The following BCL11B variants were observed in gnomAD, a reference collection of about 807,000 sequenced individuals.
BCL11B encodes the protein B-cell lymphoma/leukemia 11B.
Under a neutral mutation model 49.9 loss-of-function variants are expected in BCL11B, and 8 were observed. The observed-to-expected ratio is 0.16, with a 90% CI of 0.09 to 0.29. The LOEUF (loss-of-function observed/expected upper bound fraction) is 0.29, where lower values mean the gene tolerates loss of function less well. Among genes scored for constraint, BCL11B ranks in the 10% least tolerant of loss-of-function variants. BCL11B has a pLI of 1.00. For synonymous variants in BCL11B, 739 were observed against 637.4 expected (o/e 1.16, Z -2.40); for missense variants, 1,006 against 1,351.0 (o/e 0.74, Z 4.00).
At chr14:99,225,208 C>A (rs1888125057) in intron 3 of BCL11B, among the ~76,000 whole-genome samples, 1 of 152,224 alleles carries the variant, frequency 6.6e-6, no homozygotes, top group African/African-American at 2.4e-5. Flanking sequence ...AGTGGGCAGA[C>A]CCAGGTATGA....
chr14:99,210,081 C>A (rs1037337168), intron 3 of BCL11B, among the ~76,000 whole-genome samples: 2 of 152,016 alleles, frequency 1.3e-5, no homozygotes, highest in Non-Finnish European at 2.9e-5. Flanking sequence ...CTGGGCAGCA[C>A]GATTGATTAG....
In BCL11B at chr14:99,175,246, C is replaced by A; in HGVS notation, c.1590G>T (p.Pro530=). 1 of 1,546,226 alleles carries A rather than the reference C, an allele frequency of 6.5e-7. No homozygotes were observed. The highest frequency in any genetic ancestry group is 1.9e-5 in the Admixed American group (1 of 51,720). Residue 530 remains proline (P), a synonymous_variant, in exon 4 of 4, where the codon CCG becomes CCT. Transcript: ENST00000357195. The part of the protein sequence containing the change: ...HESDPSLGHE[P]EEEDEEEEEE... ...CCTCCTCCTCCTCGTCCTCCTCCTC[C>A]GGCTCGTGGCCCAGCGACGGGTCGC...
At chr14:99,234,820 C>T (rs1888441820) in intron 2 of BCL11B, among the ~76,000 whole-genome samples, 1 of 138,592 alleles carries the variant, frequency 7.2e-6, no homozygotes, top group African/African-American at 2.7e-5. Flanking sequence ...CTGCAAGACA[C>T]TCCCAAAAAA....
Position 99,257,532 on chromosome 14 carries a change from G to T in BCL11B, c.366C>A (p.Asp122Glu), listed in dbSNP as rs757013819. Residue 122 changes from aspartate (D) to glutamate (E), a missense_variant, in exon 2 of 4, where the codon GAC (aspartate) becomes GAA (glutamate). Around this residue, in one of 6 missense-constraint regions of BCL11B, gnomAD observed 411 missense variants for 542.2 expected, o/e 0.76. Coordinates refer to ENST00000357195, the MANE Select transcript of BCL11B (RefSeq NM_138576.4). The surrounding 1 kb of genome is among the most constrained non-coding windows in gnomAD (Gnocchi z 6.2). The part of the protein sequence containing the change: ...PVEIGIQVTP[D>E]EDDHLLSPTK... ...TGGGTGAGAGCAGGTGGTCATCTTC[G>T]TCGGGGGTGACTTGGATCCCGATCT... 1 of 1,613,672 alleles carries T rather than the reference G, an allele frequency of 6.2e-7. No individual in the cohort carries two copies. Among genetic ancestry groups the T allele is most frequent in the East Asian group, 2.2e-5 (1 of 44,862 alleles).
At chr14:99,208,848 T>C (rs1458514336) in intron 3 of BCL11B, among the ~76,000 whole-genome samples, 5 of 152,144 alleles carry the variant, frequency 3.3e-5, no homozygotes, top group African/African-American at 1.2e-4. Flanking sequence ...GATACCAGGA[T>C]ACAGAGGTCA....
chr14:99,194,414 T>C lies in BCL11B; in HGVS notation c.641-18219A>G, dbSNP rs1013744820. On this transcript the variant is annotated intron_variant, in intron 3 of 3. Coordinates refer to ENST00000357195, the MANE Select transcript of BCL11B (RefSeq NM_138576.4). The surrounding 1 kb of genome is among the most constrained non-coding windows in gnomAD (Gnocchi z 4.6). ...GGTGGCAGGGCCAGGAAGATGCCTG[T>C]AGGCATGGCCAGAGCTCTGTCCTTC... Among the ~76,000 whole-genome samples, 2 of 152,224 alleles carry C rather than the reference T, an allele frequency of 1.3e-5. No individual in the cohort carries two copies. Among genetic ancestry groups the C allele is most frequent in the Non-Finnish European group, 2.9e-5 (2 of 68,034 alleles).
intron 1 of BCL11B, among the ~76,000 whole-genome samples, chr14:99,259,063 G>C (rs978313472): frequency 3.9e-5 from 6 of 152,142 alleles, no homozygotes; most frequent in African/African-American, 1.4e-4. Flanking sequence ...TCCCCTCGGG[G>C]TCTGAGCAAA....
At chr14:99,181,837 G>A (rs779802620) in intron 3 of BCL11B, among the ~76,000 whole-genome samples, 4 of 152,218 alleles carry the variant, frequency 2.6e-5, no homozygotes, top group Non-Finnish European at 5.9e-5. Context: ...AGGGTACCCA[G>A]TACCCAAGGA....
intron 3 of BCL11B, among the ~76,000 whole-genome samples, chr14:99,190,474 C>T (rs557498522): frequency 3.3e-5 from 5 of 152,304 alleles, no homozygotes; most frequent in South Asian, 2.1e-4. Context: ...GGCGACAGAG[C>T]GAGACTTCGT....
intron 3 of BCL11B, among the ~76,000 whole-genome samples, chr14:99,218,441 G>A (rs978456813): frequency 1.3e-5 from 2 of 151,818 alleles, no homozygotes; most frequent in Admixed American, 1.3e-4. Context: ...ACTCAGCATG[G>A]GGGCAGAGCT....
intron 3 of BCL11B, among the ~76,000 whole-genome samples, chr14:99,222,971 G>A (rs542933580): frequency 6.6e-6 from 1 of 151,724 alleles, no homozygotes; most frequent in South Asian, 2.1e-4. Flanking sequence ...GTTTCACAAT[G>A]AGCGTTTGAC....
intron 3 of BCL11B, among the ~76,000 whole-genome samples, chr14:99,199,705 CGTGTGTGCGT>C (rs1887316432): frequency 1.5e-5 from 1 of 68,162 alleles, no homozygotes; most frequent in Admixed American, 1.4e-4. Flanking sequence ...CGCACGTGCA[CGTGTGTGCGT>C]GTGTGCATGC....
intron 2 of BCL11B, among the ~76,000 whole-genome samples, chr14:99,244,829 G>T (rs891494426): frequency 6.6e-6 from 1 of 152,100 alleles, no homozygotes; most frequent in Non-Finnish European, 1.5e-5. Flanking sequence ...CACAATACTC[G>T]CCTTGAGAGC....
Position 99,257,867 on chromosome 14 carries a change from G to T in BCL11B, c.59-28C>A. 6.7e-7 allele frequency: 1 copy of T among 1,491,690 alleles called. No homozygotes were observed. The highest frequency in any genetic ancestry group is 1.4e-5 in the South Asian group (1 of 70,102). 92.4% of individuals were successfully genotyped at this position (1,491,690 alleles called of 1,614,324 possible). Reference sequence around the variant, plus strand: ...GGAGACAGAAAGAAGAAAGGGAAGGGGCAGAGAAGATAGAGATGGGCTTAG... The same window carrying T: ...GGAGACAGAAAGAAGAAAGGGAAGGTGCAGAGAAGATAGAGATGGGCTTAG... On this transcript the variant is annotated intron_variant, in intron 1 of 3. Transcript: ENST00000357195. This position sits in a 1 kb window ranked among gnomAD's most constrained non-coding sequence, Gnocchi z 6.2.
chr14:99,198,111 G>A (rs961849812), intron 3 of BCL11B, among the ~76,000 whole-genome samples: 7 of 152,210 alleles, frequency 4.6e-5, no homozygotes, highest in Non-Finnish European at 7.3e-5. Context: ...AGAGGCTGCC[G>A]ATGCAGGGTG....
chr14:99,184,086 G>C lies in BCL11B; in HGVS notation c.641-7891C>G, dbSNP rs980049001. ...GTGGGGCCTCCCTGATACCCAGGAC[G>C]ATGTATCAGGCACCCCAGCCTTTGG... On this transcript the variant is annotated intron_variant, in intron 3 of 3. Coordinates refer to ENST00000357195, the MANE Select transcript of BCL11B (RefSeq NM_138576.4). This position sits in a 1 kb window ranked among gnomAD's most constrained non-coding sequence, Gnocchi z 6.1. 3.9e-5 allele frequency among the ~76,000 whole-genome samples: 6 copies of C among 152,086 alleles called. No homozygotes were observed. The highest frequency in any genetic ancestry group is 3.9e-4 in the Admixed American group (6 of 15,276).
intron 3 of BCL11B, among the ~76,000 whole-genome samples, chr14:99,193,692 A>C (rs1887102416): frequency 6.6e-6 from 1 of 152,246 alleles, no homozygotes; most frequent in South Asian, 2.1e-4. Flanking sequence ...AGAGAAACCA[A>C]CAGCCAAACA....
chr14:99,243,084 TGAGACC>T (rs1191421401), intron 2 of BCL11B, among the ~76,000 whole-genome samples: 1 of 152,208 alleles, frequency 6.6e-6, no homozygotes, highest in African/African-American at 2.4e-5. Flanking sequence ...TTCTGGGGCC[TGAGACC>T]AAATATCAGG....
intron 3 of BCL11B, among the ~76,000 whole-genome samples, chr14:99,196,946 G>T (rs1887195947): frequency 6.6e-6 from 1 of 152,218 alleles, no homozygotes; most frequent in Non-Finnish European, 1.5e-5. Context: ...AGGGCTGGAA[G>T]GAGGAAAGGG....
Sources: gnomAD v4.1 joint callset for allele counts (sites outside exome capture counted in the v4.1 genomes callset) on GRCh38, gnomAD v4.1.1 for gene constraint, gnomAD v4.1.1 regional missense constraint, Gnocchi (gnomAD v3.1) non-coding constraint, MANE v1.5 for transcripts, NCBI Gene and HGNC (gene_info 2026-07-23, HGNC 2026-07-21) for gene names.